SAMD12: variants seen among roughly 807,000 people sequenced by gnomAD.
SAMD12 encodes sterile alpha motif domain-containing protein 12.
SAMD12 carries 9 observed loss-of-function variants against 15.0 expected under a neutral mutation model. That is an observed-to-expected ratio of 0.60 (90% CI 0.36 to 1.05). The LOEUF is 1.05. SAMD12 is among the 50% of genes least tolerant of loss of function. SAMD12 has a pLI of 0.01. For missense variants in SAMD12, 230 were observed against 234.2 expected, an observed-to-expected ratio of 0.98 and a Z score of 0.12; for synonymous variants, 86 against 90.1, an observed-to-expected ratio of 0.96 and a Z score of 0.25.
chr8:118,536,513 T>C (rs1446295299), intron 2 of SAMD12, among the ~76,000 whole-genome samples: 1 of 151,164 alleles, frequency 6.6e-6, no homozygotes, highest in East Asian at 1.9e-4. Flanking sequence ...CAGACTTATG[T>C]ACCTTCTGAT....
rs1825766874 is a variant in SAMD12, at chr8:118,534,116, G to C, written c.192+46599C>G. Among the ~76,000 whole-genome samples, 5 of 152,120 alleles carry C rather than the reference G, an allele frequency of 3.3e-5. No homozygotes were observed. The South Asian group carries it at 1.0e-3, about 32-fold the overall frequency. On this transcript the variant is annotated intron_variant, in intron 2 of 3. Coordinates refer to ENST00000314727, the MANE Select transcript of SAMD12 (RefSeq NM_207506.3). ...TTTCCATGTTTAGTGTTTCCTTCAGGAGCTCTTTTAGGGCAGGCCTGGTGG... is the reference window on the plus strand; with the variant it reads ...TTTCCATGTTTAGTGTTTCCTTCAGCAGCTCTTTTAGGGCAGGCCTGGTGG...
At chr8:118,393,298 C>G (rs1820379389) in intron 3 of SAMD12, among the ~76,000 whole-genome samples, 1 of 152,152 alleles carries the variant, frequency 6.6e-6, no homozygotes, top group Admixed American at 6.5e-5. Flanking sequence ...CCACGGCAAT[C>G]TTCCTACCTC....
intron 4 of SAMD12, among the ~76,000 whole-genome samples, chr8:118,228,553 T>C (rs144170306): frequency 0.011 from 1,631 of 152,272 alleles, 29 homozygotes; most frequent in Non-Finnish European, 0.011. Context: ...ACATTACTCA[T>C]GATCAGGGAA....
intron 3 of SAMD12, among the ~76,000 whole-genome samples, chr8:118,408,571 C>G (rs1586680136): frequency 1.3e-5 from 2 of 152,168 alleles, no homozygotes; most frequent in East Asian, 3.8e-4. Flanking sequence ...ACTTAACAAG[C>G]TGTTTTGTTT....
At chr8:118,462,987 G>T (rs533384973) in intron 2 of SAMD12, among the ~76,000 whole-genome samples, 2 of 150,992 alleles carry the variant, frequency 1.3e-5, no homozygotes, top group African/African-American at 4.9e-5. Context: ...TGTAGTCCCA[G>T]CTACACAGGA....
intron 3 of SAMD12, among the ~76,000 whole-genome samples, chr8:118,433,066 G>A (rs1352238879): frequency 6.6e-6 from 1 of 152,118 alleles, no homozygotes; most frequent in Non-Finnish European, 1.5e-5. Flanking sequence ...TATTGTAAGG[G>A]GGACACTCAG....
intron 1 of SAMD12, among the ~76,000 whole-genome samples, chr8:118,606,272 C>T (rs905666477): frequency 6.6e-6 from 1 of 152,114 alleles, no homozygotes; most frequent in African/African-American, 2.4e-5. Context: ...CCCTTCCAAT[C>T]ATGGCAGCAA....
chr8:118,621,204 C>G (rs892748033), intron 1 of SAMD12: 7 of 152,864 alleles, frequency 4.6e-5, no homozygotes, highest in African/African-American at 1.7e-4. Context: ...CACTTCTTTT[C>G]CCTGGCTGAT....
At chr8:118,544,071 C>T (rs1354204433) in intron 2 of SAMD12, among the ~76,000 whole-genome samples, 2 of 152,136 alleles carry the variant, frequency 1.3e-5, no homozygotes, top group African/African-American at 2.4e-5. Context: ...CTACCCATCC[C>T]ACCCAAAACT....
At chr8:118,386,645 C>T (rs1819979521) in intron 3 of SAMD12, among the ~76,000 whole-genome samples, 2 of 152,148 alleles carry the variant, frequency 1.3e-5, no homozygotes, top group Non-Finnish European at 2.9e-5. Context: ...GAGAAAGTGT[C>T]CTGCCTAAAA....
intron 4 of SAMD12, among the ~76,000 whole-genome samples, chr8:118,363,854 T>C (rs1387503195): frequency 6.6e-6 from 1 of 152,238 alleles, no homozygotes; most frequent in East Asian, 1.9e-4. Context: ...CCATGACATC[T>C]ACTTTGCAAA....
intron 3 of SAMD12, among the ~76,000 whole-genome samples, chr8:118,424,543 A>C (rs1247775074): frequency 6.6e-6 from 1 of 152,196 alleles, no homozygotes; most frequent in African/African-American, 2.4e-5. Flanking sequence ...AAGCTTGCCA[A>C]GAGTATTCTA....
chr8:118,423,396 A>G (rs1822099858), intron 3 of SAMD12, among the ~76,000 whole-genome samples: 1 of 152,104 alleles, frequency 6.6e-6, no homozygotes, highest in East Asian at 1.9e-4. Flanking sequence ...ACAGGACGTT[A>G]TATTTTCTTT....
chr8:118,190,013 C>T (rs1450418573), exon 5 of SAMD12: 1 of 143,854 alleles, frequency 7.0e-6, no homozygotes, highest in Non-Finnish European at 1.5e-5. Context: ...ACAGGTAATA[C>T]TTATGTAATT....
chr8:118,151,921 C>T, the SAMD12 span, among the ~76,000 whole-genome samples: 1 of 151,700 alleles, frequency 6.6e-6, no homozygotes, highest in Non-Finnish European at 1.5e-5. Context: ...GCTGGGATAT[C>T]CAAGTGGAGT....
intron 2 of SAMD12, among the ~76,000 whole-genome samples, chr8:118,468,857 C>T (rs916926769): frequency 6.6e-5 from 10 of 152,106 alleles, no homozygotes; most frequent in African/African-American, 1.4e-4. Flanking sequence ...AGATATAGCA[C>T]GGTAGCTTAT....
At position 118,327,809 on chromosome 8, in the gene SAMD12, A is replaced by G. The variant is rs78759508; in HGVS notation, c.433+51751T>C. ...GGGTGGGCAAGTCTGACTGGCAAAGATGGCCTGATTGATGGGGCTTGCACC... is the reference window on the plus strand; with the variant it reads ...GGGTGGGCAAGTCTGACTGGCAAAGGTGGCCTGATTGATGGGGCTTGCACC... On this transcript the variant is annotated intron_variant, in intron 4 of 4. Transcript: ENST00000409003. Among the ~76,000 whole-genome samples the G allele has an allele frequency of 3.6e-4, 55 of 152,250 alleles. No homozygotes were observed. In the East Asian group the frequency reaches 4.1e-3, roughly 11 times the overall value.
chr8:118,432,379 C>A (rs188847387), intron 3 of SAMD12, among the ~76,000 whole-genome samples: 1 of 152,008 alleles, frequency 6.6e-6, no homozygotes, highest in Non-Finnish European at 1.5e-5. Context: ...TTGGGGATAT[C>A]CAATAAATAG....
chr8:118,276,023 G>A (rs1813466303), intron 4 of SAMD12, among the ~76,000 whole-genome samples: 2 of 152,176 alleles, frequency 1.3e-5, no homozygotes, highest in African/African-American at 4.8e-5. Flanking sequence ...GAACATGTGA[G>A]TGCATGTGTA....
Sources: allele counts gnomAD v4.1 joint callset (sites outside exome capture counted in the v4.1 genomes callset), GRCh38; gene constraint gnomAD v4.1.1; transcripts MANE v1.5; gene names NCBI Gene and HGNC (gene_info 2026-07-23, HGNC 2026-07-21).